The following THOC3 variants were observed in gnomAD, a reference collection of about 807,000 sequenced individuals.
The protein encoded by THOC3 is THO complex subunit 3.
THOC3 carries 4 observed loss-of-function variants against 23.3 expected under a neutral mutation model. The ratio of observed to expected loss-of-function variants is 0.17; its 90% CI spans 0.08 to 0.39. THOC3 has a LOEUF of 0.39. THOC3 is among the 10% of genes least tolerant of loss of function. THOC3 has a pLI of 1.00. For synonymous variants in THOC3, 27 were observed against 141.5 expected (o/e 0.19, Z 5.74); for missense variants, 64 against 359.4 (o/e 0.18, Z 6.65).
intron 3 of THOC3, among the ~76,000 whole-genome samples, chr5:175,963,569 T>G (rs528606520): frequency 6.8e-4 from 99 of 145,806 alleles, no homozygotes; most frequent in African/African-American, 2.4e-3. Context: ...GCACAAGAGT[T>G]AAGCCTATAA....
chr5:175,964,368 G>C (rs1215618873), intron 3 of THOC3, among the ~76,000 whole-genome samples: 26 of 152,364 alleles, frequency 1.7e-4, no homozygotes, highest in Non-Finnish European at 3.2e-4. Context: ...GAAACTTTAA[G>C]AGTACGAATT....
intron 3 of THOC3, among the ~76,000 whole-genome samples, chr5:175,963,366 T>G (rs1282665625): frequency 1.3e-5 from 2 of 152,280 alleles, no homozygotes; most frequent in East Asian, 1.9e-4. Flanking sequence ...AAAAGACATA[T>G]CAATTTTTTT....
intron 3 of THOC3, among the ~76,000 whole-genome samples, chr5:175,961,862 T>A (rs1244337600): frequency 1.3e-5 from 2 of 152,056 alleles, no homozygotes; most frequent in Non-Finnish European, 2.9e-5. Flanking sequence ...ATAAAATCTG[T>A]AAGTTTTAGA....
intron 1 of THOC3, chr5:175,967,533 T>TACCACCAACGTACCACCACC: frequency 4.4e-6 from 1 of 226,034 alleles, no homozygotes; most frequent in African/African-American, 4.8e-5. Context: ...ACCACCAACG[T>TACCACCAACGTACCACCACC]ACCACCAACG....
chr5:175,965,237 A>C, intron 2 of THOC3, 82 bp from the exon 3 acceptor site: 1 of 1,580,904 alleles, frequency 6.3e-7, no homozygotes, highest in Non-Finnish European at 8.6e-7. Context: ...TAGAAAGAAG[A>C]CCAGAGCTTT....
chr5:175,963,876 T>C (rs1315113593), intron 3 of THOC3, among the ~76,000 whole-genome samples: 2 of 152,176 alleles, frequency 1.3e-5, no homozygotes, highest in Admixed American at 6.5e-5. Context: ...GGTTCCCTTT[T>C]GCTTATTCTT....
intron 3 of THOC3, among the ~76,000 whole-genome samples, chr5:175,962,421 T>TACAC (rs59077860): frequency 0.11 from 4,853 of 44,380 alleles, 731 homozygotes; most frequent in Middle Eastern, 0.41. Context: ...TATATATATA[T>TACAC]ACACACACAC....
chr5:175,963,545 A>T (rs1756706084), intron 3 of THOC3, among the ~76,000 whole-genome samples: 1 of 137,750 alleles, frequency 7.3e-6, no homozygotes, highest in Non-Finnish European at 1.6e-5. Context: ...CTACTTCTCA[A>T]CTTGGGCGGG....
At chr5:175,961,998 C>G (rs55767520) in intron 3 of THOC3, among the ~76,000 whole-genome samples, 115,537 of 144,274 alleles carry the variant, frequency 0.8, 44,703 homozygotes, top group Middle Eastern at 0.87. Flanking sequence ...GACTGGTGCT[C>G]AACACTGAAT....
intron 3 of THOC3, among the ~76,000 whole-genome samples, chr5:175,961,854 A>G (rs1286262212): frequency 6.6e-6 from 1 of 152,142 alleles, no homozygotes; most frequent in Non-Finnish European, 1.5e-5. Flanking sequence ...AACGTTTTAT[A>G]AAATCTGTAA....
intron 2 of THOC3, among the ~76,000 whole-genome samples, chr5:175,965,659 T>G (rs1394854348): frequency 6.6e-6 from 1 of 152,208 alleles, no homozygotes; most frequent in Non-Finnish European, 1.5e-5. Context: ...TCTCCTGACC[T>G]CGTGATCCGC....
chr5:175,960,280 G>A lies in THOC3; in HGVS notation c.893-148C>T, dbSNP rs576112978. The A allele has an allele frequency of 1.4e-3, 425 of 298,432 alleles. 2 individuals carry two copies. The highest frequency in any genetic ancestry group is 0.012 in the African/African-American group (389 of 33,526). The allele number at this position is 298,432 out of a possible 1,614,324, so 18.5% of individuals were successfully genotyped here. ...TACCTCATTTTACAGAGAACCCCCA[G>A]GCACAGAGAGCCCACAAGCCAGTGG... On this transcript the variant is annotated intron_variant, in intron 5 of 5. Transcript: ENST00000265097.
chr5:175,962,419 T>TACACACACACACACACAC (rs1436194735), intron 3 of THOC3, among the ~76,000 whole-genome samples: 20 of 40,646 alleles, frequency 4.9e-4, no homozygotes, highest in African/African-American at 1.8e-3. Flanking sequence ...TATATATATA[T>TACACACACACACACACAC]ATACACACAC....
At chr5:175,962,417 T>TACACACACACACACACACAC (rs775994149) in intron 3 of THOC3, among the ~76,000 whole-genome samples, 6 of 42,568 alleles carry the variant, frequency 1.4e-4, no homozygotes, top group Admixed American at 4.7e-4. Flanking sequence ...AATATATATA[T>TACACACACACACACACACAC]ATATACACAC....
intron 3 of THOC3, among the ~76,000 whole-genome samples, chr5:175,963,307 T>A (rs1430008296): frequency 1.3e-5 from 2 of 152,156 alleles, no homozygotes; most frequent in Non-Finnish European, 2.9e-5. Flanking sequence ...AGTCTGGTTT[T>A]TCAACAGCTA....
intron 2 of THOC3, among the ~76,000 whole-genome samples, chr5:175,966,786 C>A (rs1212223231): frequency 1.3e-5 from 2 of 151,476 alleles, no homozygotes; most frequent in African/African-American, 2.4e-5. Flanking sequence ...GCACCCTGAC[C>A]ACTCAACTCC....
At position 175,962,521 on chromosome 5, in the gene THOC3, CTT is replaced by C. The variant is rs151187689; in HGVS notation, c.630-1089_630-1088del. Among the ~76,000 whole-genome samples, 105 of 109,470 alleles carry C rather than the reference CTT, an allele frequency of 9.6e-4. 1 individual carries two copies. Among genetic ancestry groups the C allele is most frequent in the South Asian group, 2.4e-3 (9 of 3,678 alleles). 71.8% of individuals were successfully genotyped at this position (109,470 alleles called of 152,430 possible). A position where few individuals can be genotyped will look rare whatever the true frequency, so the allele number is the denominator to read the frequency against. On this transcript the variant is annotated intron_variant, in intron 3 of 5. Transcript: ENST00000265097. ...TTCTCAGTAAAAGAATGTAAGGCTC[CTT>C]TTTTTTTTTTTTTTTTGAGGTGGAA...
At position 175,965,264 on chromosome 5, in the gene THOC3, T is replaced by C; in HGVS notation, c.425-109A>G. On this transcript the variant is annotated intron_variant, in intron 2 of 5. Coordinates refer to ENST00000265097, the MANE Select transcript of THOC3 (RefSeq NM_032361.4). Reference sequence around the variant, plus strand: ...CAGAGCTTTCTTCCGGGCTTACTCATTAAAGTCCTAGACAATGGAAGGGAG... The same window carrying C: ...CAGAGCTTTCTTCCGGGCTTACTCACTAAAGTCCTAGACAATGGAAGGGAG... The C allele has an allele frequency of 2.7e-6, 4 of 1,489,484 alleles. No homozygotes were observed. The South Asian group carries it at 5.2e-5, about 19-fold the overall frequency. The allele number at this position is 1,489,484 out of a possible 1,614,324, so 92.3% of individuals were successfully genotyped here. A position where few individuals can be genotyped will look rare whatever the true frequency, so the allele number is the denominator to read the frequency against.
At chr5:175,965,249 T>C (rs1312335475) in intron 2 of THOC3, 94 bp from the exon 3 acceptor site, 2 of 1,562,606 alleles carry the variant, frequency 1.3e-6, no homozygotes, top group African/African-American at 2.7e-5. Flanking sequence ...CAGAGCTTTC[T>C]TCCGGGCTTA....
Sources: gnomAD v4.1 joint callset for allele counts (sites outside exome capture counted in the v4.1 genomes callset) on GRCh38, gnomAD v4.1.1 for gene constraint, MANE v1.5 for transcripts, NCBI Gene and HGNC (gene_info 2026-07-23, HGNC 2026-07-21) for gene names.